ITPR2: variants seen among roughly 807,000 people sequenced by gnomAD.
ITPR2 encodes the protein inositol 1,4,5-trisphosphate receptor type 2, also known as inositol 1,4,5-trisphosphate-gated calcium channel ITPR2.
ITPR2 carries 207 observed loss-of-function variants against 317.1 expected under a neutral mutation model. The ratio of observed to expected loss-of-function variants is 0.65; its 90% CI spans 0.58 to 0.73. The LOEUF is 0.73. Ranked by LOEUF, ITPR2 falls within the 30% of genes least tolerant of loss-of-function variation. The pLI, the probability that ITPR2 is intolerant of heterozygous loss-of-function variation, is 0.00. For synonymous variants in ITPR2, 1,156 were observed against 1,149.1 expected, an observed-to-expected ratio of 1.01 and a Z score of -0.12; for missense variants, 2,613 against 3,284.0, an observed-to-expected ratio of 0.80 and a Z score of 4.99.
At chr12:26,727,878 C>G (rs1948958641) in intron 2 of ITPR2, among the ~76,000 whole-genome samples, 1 of 152,152 alleles carries the variant, frequency 6.6e-6, no homozygotes, top group South Asian at 2.1e-4. Flanking sequence ...TTTTAAAGAA[C>G]CAATACTCAT....
chr12:26,652,443 C>A (rs1265644077), intron 21 of ITPR2, among the ~76,000 whole-genome samples: 1 of 152,192 alleles, frequency 6.6e-6, no homozygotes, highest in Non-Finnish European at 1.5e-5. Context: ...GGTATTTCTT[C>A]TTTATGTCTG....
intron 13 of ITPR2, among the ~76,000 whole-genome samples, chr12:26,673,618 C>T (rs1175782822): frequency 6.6e-5 from 10 of 150,704 alleles, no homozygotes; most frequent in South Asian, 6.4e-4. Flanking sequence ...GGAAGCATTC[C>T]CTTTGAAAAC....
chr12:26,359,016 T>A (rs1284901738), intron 55 of ITPR2, among the ~76,000 whole-genome samples: 1 of 152,254 alleles, frequency 6.6e-6, no homozygotes, highest in Non-Finnish European at 1.5e-5. Context: ...CTCCTTCAAC[T>A]TGCTTTGCTT....
At chr12:26,476,854 C>T (rs1942428195) in intron 44 of ITPR2, 58 bp downstream of exon 44, 1 of 1,116,996 alleles carries the variant, frequency 9.0e-7, no homozygotes, top group Admixed American at 2.0e-5. Context: ...CATGCATTCT[C>T]TAAATTTTTT....
intron 37 of ITPR2, among the ~76,000 whole-genome samples, chr12:26,534,629 G>A (rs1453322429): frequency 6.6e-6 from 1 of 152,138 alleles, no homozygotes; most frequent in East Asian, 1.9e-4. Flanking sequence ...ACCAGAGAAT[G>A]GAGCTTCTCT....
At chr12:26,741,414 C>T (rs1005971551) in intron 2 of ITPR2, among the ~76,000 whole-genome samples, 4 of 152,196 alleles carry the variant, frequency 2.6e-5, no homozygotes, top group Admixed American at 6.5e-5. Flanking sequence ...ACCTCCTTTG[C>T]CAGCTGGGTA....
chr12:26,372,939 G>T (rs2136602029), intron 55 of ITPR2, among the ~76,000 whole-genome samples: 1 of 152,252 alleles, frequency 6.6e-6, no homozygotes, highest in East Asian at 1.9e-4. Flanking sequence ...TTCTCTTAGA[G>T]GGTCTGGATC....
At chr12:26,398,457 G>C (rs528182870) in intron 54 of ITPR2, among the ~76,000 whole-genome samples, 2 of 152,268 alleles carry the variant, frequency 1.3e-5, no homozygotes, top group South Asian at 2.1e-4. Context: ...AGAAGGCTCA[G>C]TTCAGAATCC....
At position 26,461,627 on chromosome 12, in the gene ITPR2, A is replaced by AATAT. The variant is rs754482854; in HGVS notation, c.6342+13665_6342+13668dup. ...ACAATAAGAAAAAGAAAAGCATATAAATATATATATATATATATATATATA... is the reference window on the plus strand; with the variant it reads ...ACAATAAGAAAAAGAAAAGCATATAAATATATATATATATATATATATATATATA... On this transcript the variant is annotated intron_variant, in intron 45 of 56. Coordinates refer to ENST00000381340, the MANE Select transcript of ITPR2 (RefSeq NM_002223.4). Among the ~76,000 whole-genome samples the AATAT allele has an allele frequency of 7.5e-3, 363 of 48,326 alleles. 2 individuals carry two copies. The highest frequency in any genetic ancestry group is 0.014 in the East Asian group (17 of 1,208). The allele number at this position is 48,326 out of a possible 152,430, so 31.7% of individuals were successfully genotyped here. A position where few individuals can be genotyped will look rare whatever the true frequency, so the allele number is the denominator to read the frequency against.
At chr12:26,674,743 A>G (rs1355077898) in intron 13 of ITPR2, among the ~76,000 whole-genome samples, 1 of 152,230 alleles carries the variant, frequency 6.6e-6, no homozygotes, top group Non-Finnish European at 1.5e-5. Context: ...AGAAACTACC[A>G]TCAGAGTGAA....
intron 10 of ITPR2, among the ~76,000 whole-genome samples, chr12:26,687,646 T>C (rs1031593148): frequency 3.9e-5 from 6 of 152,212 alleles, no homozygotes; most frequent in Non-Finnish European, 8.8e-5. Flanking sequence ...ATCATTTTAC[T>C]TGGATCAAAA....
At chr12:26,566,599 A>G (rs1476218032) in intron 34 of ITPR2, among the ~76,000 whole-genome samples, 1 of 152,020 alleles carries the variant, frequency 6.6e-6, no homozygotes, top group Non-Finnish European at 1.5e-5. Context: ...GGAAGAAAGA[A>G]AATAGATAAT....
chr12:26,392,032 T>A (rs1330035159), intron 54 of ITPR2, among the ~76,000 whole-genome samples: 1 of 152,164 alleles, frequency 6.6e-6, no homozygotes, highest in Non-Finnish European at 1.5e-5. Context: ...TTGTCTTTCA[T>A]CTTCGTAAGT....
chr12:26,702,501 C>T lies in ITPR2; in HGVS notation c.952-6851G>A, dbSNP rs1181774280. Reference sequence around the variant, plus strand: ...TCGCCCAGGCTGTAGTGCAGTGGTGCGATCTCGGCTCACTGCAACCTCCAC... The same window carrying T: ...TCGCCCAGGCTGTAGTGCAGTGGTGTGATCTCGGCTCACTGCAACCTCCAC... On this transcript the variant is annotated intron_variant, in intron 9 of 56. Transcript: ENST00000381340. Among the ~76,000 whole-genome samples, 4 of 149,344 alleles carry T rather than the reference C, an allele frequency of 2.7e-5. No individual in the cohort carries two copies. In the South Asian group the frequency reaches 6.4e-4, roughly 24 times the overall value.
chr12:26,354,046 G>A (rs889016301), intron 55 of ITPR2, among the ~76,000 whole-genome samples: 12 of 152,206 alleles, frequency 7.9e-5, no homozygotes, highest in Admixed American at 2.0e-4. Flanking sequence ...GGCCGAGGCA[G>A]GTGGATCACC....
At chr12:26,628,693 T>C (rs1008658625) in intron 22 of ITPR2, among the ~76,000 whole-genome samples, 7 of 152,208 alleles carry the variant, frequency 4.6e-5, no homozygotes, top group African/African-American at 1.7e-4. Flanking sequence ...TGGGTTGCTG[T>C]CATTGTTCTC....
chr12:26,667,587 TC>T (rs1284111477), intron 13 of ITPR2, among the ~76,000 whole-genome samples: 4 of 152,234 alleles, frequency 2.6e-5, no homozygotes, highest in African/African-American at 4.8e-5. Context: ...TGATTTAATG[TC>T]CTCCAAATCA....
chr12:26,357,193 C>A (rs1938668330), intron 55 of ITPR2, among the ~76,000 whole-genome samples: 1 of 151,866 alleles, frequency 6.6e-6, no homozygotes, highest in Non-Finnish European at 1.5e-5. Context: ...ACCAGAGAGA[C>A]CAAGCACACA....
At position 26,725,708 on chromosome 12, in the gene ITPR2, T is replaced by A. The variant is rs777078064; in HGVS notation, c.221A>T (p.Lys74Ile). 1.2e-6 allele frequency: 2 copies of A among 1,613,438 alleles called. No homozygotes were observed. The highest frequency in any genetic ancestry group is 2.2e-5 in the South Asian group (2 of 91,040). ...NRYSAQKQYW[K>I]AKQAKQGNHT... ...GTTCCCTTGTTTGGCTTGCTTTGCT[T>A]TCCAATATTGCTTCTGGGCAGAATA... Residue 74 changes from lysine (K) to isoleucine (I), a missense_variant, in exon 3 of 57, where the codon AAA becomes ATA. By Grantham distance (102) the Lys-to-Ile change is moderately radical. Around this residue, in one of 9 missense-constraint regions of ITPR2, gnomAD observed 515 missense variants for 789.4 expected, o/e 0.65. Transcript: ENST00000381340.
Sources: gnomAD v4.1 joint callset for allele counts (sites outside exome capture counted in the v4.1 genomes callset) on GRCh38, gnomAD v4.1.1 for gene constraint, gnomAD v4.1.1 regional missense constraint, MANE v1.5 for transcripts, NCBI Gene and HGNC (gene_info 2026-07-23, HGNC 2026-07-21) for gene names.